The following ZNF628 variants were observed in gnomAD, a reference collection of about 807,000 sequenced individuals.
ZNF628 encodes the protein zinc finger protein Zec.
Under a neutral mutation model 2.5 loss-of-function variants are expected in ZNF628, and 3 were observed. That is an observed-to-expected ratio of 1.19 (90% confidence interval 0.54 to 3.07). The LOEUF is 3.07. Among genes scored for constraint, ZNF628 ranks in the 30% most tolerant of loss-of-function variants. ZNF628 has a pLI of 0.03. For missense variants in ZNF628, 1,610 were observed against 1,517.1 expected (o/e 1.06, Z -1.02); for synonymous variants, 861 against 717.1 (o/e 1.20, Z -3.21).
chr19:55,482,389 C>T lies in ZNF628; in HGVS notation c.1196C>T (p.Ala399Val), dbSNP rs989588139. Reference protein sequence around the residue: ...GSCDGSFPQLASLLAHQQCHV... With the variant: ...GSCDGSFPQLVSLLAHQQCHV... ...TGCGACGGCTCCTTCCCGCAGCTGG[C>T]CAGCCTCCTGGCGCATCAGCAGTGC... The change falls in exon 3 of 3, where the codon GCC (alanine) becomes GTC (valine). Residue 399 changes from alanine (A) to valine (V), a missense_variant. By Grantham distance (64) the Ala-to-Val change is moderately conservative (BLOSUM62 0). Around this residue, in one of 5 missense-constraint regions of ZNF628, gnomAD observed 651 missense variants for 575.6 expected, o/e 1.13. Coordinates refer to ENST00000598519, the MANE Select transcript of ZNF628 (RefSeq NM_033113.3). 2.2e-5 allele frequency: 31 copies of T among 1,415,500 alleles called. No homozygotes were observed. In the Admixed American group the frequency reaches 5.1e-4, roughly 23 times the overall value. 87.7% of individuals were successfully genotyped at this position (1,415,500 alleles called of 1,614,324 possible).
Position 55,482,732 on chromosome 19 carries a change from C to T in ZNF628, c.1539C>T (p.Gly513=), listed in dbSNP as rs911148963. 4.3e-6 allele frequency: 7 copies of T among 1,612,256 alleles called. No homozygotes were observed. The highest frequency in any genetic ancestry group is 5.9e-6 in the Non-Finnish European group (7 of 1,179,306). The change falls in exon 3 of 3, where the codon GGC becomes GGT. Residue 513 remains glycine, a synonymous_variant. Transcript: ENST00000598519. ...VHTGLRAFTC[G]QCGLTFKWSS... ...CGGGCCTGCGGGCCTTCACCTGTGG[C>T]CAGTGCGGCCTCACCTTCAAGTGGT...
Position 55,481,828 on chromosome 19 carries a change from C to G in ZNF628, c.635C>G (p.Thr212Ser), listed in dbSNP as rs746324800. 1 of 1,596,198 alleles carries G rather than the reference C, an allele frequency of 6.3e-7. No individual in the cohort carries two copies. The highest frequency in any genetic ancestry group is 1.7e-5 in the Admixed American group (1 of 58,038). Residue 212 changes from threonine (T) to serine (S), a missense_variant, in exon 3 of 3, where the codon ACC (threonine) becomes AGC (serine). By Grantham distance (58) the Thr-to-Ser change is moderately conservative. Coordinates refer to ENST00000598519, the MANE Select transcript of ZNF628 (RefSeq NM_033113.3). ...RPFRCPLCPK[T>S]FTHSSNLLLH... is the part of the protein sequence containing the mutation. ...TTCCGCTGCCCGCTCTGCCCCAAGA[C>G]CTTCACCCACTCCTCCAACCTGCTG...
At position 55,476,754 on chromosome 19, in the gene ZNF628, C is replaced by A. The variant is rs955975662; in HGVS notation, c.-131C>A. The A allele has an allele frequency of 1.1e-4, 17 of 151,794 alleles. No homozygotes were observed. Among genetic ancestry groups the A allele is most frequent in the Non-Finnish European group, 5.9e-5 (4 of 67,862 alleles). 9.4% of individuals were successfully genotyped at this position (151,794 alleles called of 1,614,324 possible). A position where few individuals can be genotyped will look rare whatever the true frequency, so the allele number is the denominator to read the frequency against. On this transcript the variant is annotated 5_prime_UTR_variant, in exon 1 of 3. Transcript: ENST00000598519. The stretch of plus-strand genomic sequence containing the variant: ...GCCGGGGCCCCACCTTCCCGTCGAC[C>A]CCCGCGGGAAGGTCCTGGGGCTGCC...
At chr19:55,481,079 G>A in intron 2 of ZNF628, 122 bp from the exon 3 acceptor site, 4 of 1,311,970 alleles carry the variant, frequency 3.0e-6, no homozygotes, top group Non-Finnish European at 3.0e-6. Context: ...CCTAAGGAAG[G>A]TCCCCTGCAA....
In ZNF628 at chr19:55,483,686, G is replaced by T; in HGVS notation, c.2493G>T (p.Thr831=). Residue 831 remains threonine, a synonymous_variant, in exon 3 of 3, where the codon ACG becomes ACT. Coordinates refer to ENST00000598519, the MANE Select transcript of ZNF628 (RefSeq NM_033113.3). Reference sequence around the variant, plus strand: ...TCCGACCAGCCCCAGAAGTAACCACGGTCCAGCTCCAGCCAGCGCAGGAGG... The same window carrying T: ...TCCGACCAGCCCCAGAAGTAACCACTGTCCAGCTCCAGCCAGCGCAGGAGG... ...QPLRPAPEVT[T]VQLQPAQEVT... is the part of the protein sequence containing the mutation. The T allele has an allele frequency of 6.2e-7, 1 of 1,613,576 alleles. No homozygotes were observed. The highest frequency in any genetic ancestry group is 8.5e-7 in the Non-Finnish European group (1 of 1,179,838).
Position 55,482,290 on chromosome 19 carries a change from G to A in ZNF628, c.1097G>A (p.Arg366Gln), listed in dbSNP as rs1413746219. The A allele has an allele frequency of 5.4e-6, 8 of 1,472,090 alleles. No homozygotes were observed. The highest frequency in any genetic ancestry group is 7.2e-6 in the Non-Finnish European group (8 of 1,118,008). 91.2% of individuals were successfully genotyped at this position (1,472,090 alleles called of 1,614,324 possible). ...TGTCTGCCCTGCGGCAAGTCCTTCC[G>A]GACGGTGGCTGGGCTCTCCCGCCAC... ...FACLPCGKSFRTVAGLSRHQH... is the reference protein window; with the variant it reads ...FACLPCGKSFQTVAGLSRHQH... The change falls in exon 3 of 3, where the codon CGG becomes CAG. Residue 366 changes from arginine to glutamine, a missense_variant. Around this residue, in one of 5 missense-constraint regions of ZNF628, gnomAD observed 651 missense variants for 575.6 expected, o/e 1.13. Transcript: ENST00000598519.
chr19:55,479,935 G>A lies in ZNF628; in HGVS notation c.7+18G>A, dbSNP rs1240415886. 4 of 399,544 alleles carry A rather than the reference G, an allele frequency of 1.0e-5. No homozygotes were observed. Among genetic ancestry groups the A allele is most frequent in the Admixed American group, 4.4e-5 (1 of 22,736 alleles). The allele number at this position is 399,544 out of a possible 1,614,324, so 24.7% of individuals were successfully genotyped here. ...CATGTCAGGTAGTCACCTGGGGAGT[G>A]CATGGGCCAGAGACATGTAGTGTGA... On this transcript the variant is annotated intron_variant, in intron 2 of 2. Coordinates refer to ENST00000598519, the MANE Select transcript of ZNF628 (RefSeq NM_033113.3). This position sits in a 1 kb window ranked among gnomAD's most constrained non-coding sequence, Gnocchi z 5.1.
At chr19:55,476,885 G>A (rs926604872) in intron 1 of ZNF628, 78 bp downstream of exon 1, 3 of 145,614 alleles carry the variant, frequency 2.1e-5, no homozygotes, top group African/African-American at 7.6e-5. Flanking sequence ...CGGGGGGGGG[G>A]GCGTGAAACC....
rs1277120181 is a variant in ZNF628 at position 55,482,018 on chromosome 19, C to G, written c.825C>G (p.Pro275=). 4.7e-6 allele frequency: 7 copies of G among 1,479,928 alleles called. No homozygotes were observed. Among genetic ancestry groups the G allele is most frequent in the Non-Finnish European group, 6.3e-6 (7 of 1,119,268 alleles). The allele number at this position is 1,479,928 out of a possible 1,614,324, so 91.7% of individuals were successfully genotyped here. A position where few individuals can be genotyped will look rare whatever the true frequency, so the allele number is the denominator to read the frequency against. Reference sequence around the variant, plus strand: ...CGCCTCCCGCCCCGCCGCCCCCGCCCCCGCCCGTGGTGCCTGAGCTCTTTT... The same window carrying G: ...CGCCTCCCGCCCCGCCGCCCCCGCCGCCGCCCGTGGTGCCTGAGCTCTTTT... ...PPAPPAPPPP[P]PPVVPELFLA... The change falls in exon 3 of 3, where the codon CCC becomes CCG. Residue 275 remains proline, a synonymous_variant. Coordinates refer to ENST00000598519, the MANE Select transcript of ZNF628 (RefSeq NM_033113.3).
In ZNF628 at chr19:55,481,193, TC is replaced by T. The variant is rs1430246064; in HGVS notation, c.8-3del. ...GGGTGAGCCGCTGACCCAGAATCCC[TC>T]CCCCAGGTGTGATGGTCGGCTCCCA... On this transcript the variant is annotated splice_region_variant and splice_polypyrimidine_tract_variant and intron_variant, in intron 2 of 2. Coordinates refer to ENST00000598519, the MANE Select transcript of ZNF628 (RefSeq NM_033113.3). The T allele has an allele frequency of 2.0e-6, 3 of 1,522,992 alleles. No homozygotes were observed. The highest frequency in any genetic ancestry group is 2.6e-6 in the Non-Finnish European group (3 of 1,138,360). The allele number at this position is 1,522,992 out of a possible 1,614,324, so 94.3% of individuals were successfully genotyped here. A position where few individuals can be genotyped will look rare whatever the true frequency, so the allele number is the denominator to read the frequency against.
Position 55,482,995 on chromosome 19 carries a change from A to G in ZNF628, c.1802A>G (p.Lys601Arg), listed in dbSNP as rs758438294. Residue 601 changes from lysine to arginine, a missense_variant, in exon 3 of 3, where the codon AAG becomes AGG. This residue lies in a region of ZNF628 where 21 missense variants were observed against 49.8 expected (regional missense o/e 0.42). Transcript: ENST00000598519. Reference protein sequence around the residue: ...ERPFRCPLCPKTFTHSSNLLL... With the variant: ...ERPFRCPLCPRTFTHSSNLLL... ...CCCTTCCGCTGCCCGCTCTGCCCCA[A>G]GACCTTCACCCACTCCTCCAACCTG... is the stretch of plus-strand genomic sequence containing the variant. 1 of 1,612,076 alleles carries G rather than the reference A, an allele frequency of 6.2e-7. No homozygotes were observed. The highest frequency in any genetic ancestry group is 8.5e-7 in the Non-Finnish European group (1 of 1,179,456).
At chr19:55,480,315 G>A (rs1482234468) in intron 2 of ZNF628, among the ~76,000 whole-genome samples, 2 of 142,462 alleles carry the variant, frequency 1.4e-5, no homozygotes, top group Admixed American at 7.4e-5. Context: ...GTGTGATCTC[G>A]GCTTACTGCA....
At position 55,481,931 on chromosome 19, in the gene ZNF628, C is replaced by A. The variant is rs567662643; in HGVS notation, c.738C>A (p.Pro246=). The change falls in exon 3 of 3, where the codon CCC becomes CCA. Residue 246 remains proline (P), a synonymous_variant. Transcript: ENST00000598519. ...CCCCGCCCCCCCAGTCCCGGGAGCC[C>A]GGCAAGGTCTTCGTGTGCGACGCCT... ...SAAPPPQSRE[P]GKVFVCDAYL... 3,985 of 1,482,538 alleles carry A rather than the reference C, an allele frequency of 2.7e-3. 94 individuals carry two copies. In the African/African-American group the frequency reaches 0.051, roughly 19 times the overall value. 91.8% of individuals were successfully genotyped at this position (1,482,538 alleles called of 1,614,324 possible).
Position 55,484,323 on chromosome 19 carries a change from A to T in ZNF628, c.3130A>T (p.Ile1044Phe). The change falls in exon 3 of 3, where the codon ATC becomes TTC. Residue 1044 changes from isoleucine (I) to phenylalanine (F), a missense_variant. Physicochemically the swap from Ile to Phe is conservative, Grantham distance 21 (BLOSUM62 0). Around this residue, in one of 5 missense-constraint regions of ZNF628, gnomAD observed 712 missense variants for 603.6 expected, o/e 1.18. Transcript: ENST00000598519. ...GVMTPQGLPS[I>F]QIVQTLPAVQ... is the part of the protein sequence containing the mutation. ...TATGACCCCTCAGGGCCTGCCCTCC[A>T]TCCAGATTGTCCAGACTCTACCCGC... The T allele has an allele frequency of 3.4e-6, 5 of 1,487,536 alleles. No homozygotes were observed. Among genetic ancestry groups the T allele is most frequent in the Non-Finnish European group, 4.5e-6 (5 of 1,117,512 alleles). The allele number at this position is 1,487,536 out of a possible 1,614,324, so 92.1% of individuals were successfully genotyped here. A position where few individuals can be genotyped will look rare whatever the true frequency, so the allele number is the denominator to read the frequency against.
rs545205643 is a variant in ZNF628, at chr19:55,483,442, C to T, written c.2249C>T (p.Ala750Val). The change falls in exon 3 of 3, where the codon GCT (alanine) becomes GTT (valine). Residue 750 changes from alanine (A) to valine (V), a missense_variant. Coordinates refer to ENST00000598519, the MANE Select transcript of ZNF628 (RefSeq NM_033113.3). ...PKLILLPSSS[A>V]GAGGGRARQG... ...CTCATCCTGCTGCCCTCCTCCAGTG[C>T]TGGGGCTGGGGGCGGCCGTGCAAGG... is the stretch of plus-strand genomic sequence containing the variant. 4.6e-6 allele frequency: 7 copies of T among 1,512,624 alleles called. No homozygotes were observed. The highest frequency in any genetic ancestry group is 1.3e-5 in the South Asian group (1 of 78,716). 93.7% of individuals were successfully genotyped at this position (1,512,624 alleles called of 1,614,324 possible).
rs748244490 is a variant in ZNF628, at chr19:55,482,992, C to T, written c.1799C>T (p.Pro600Leu). Residue 600 changes from proline (P) to leucine (L), a missense_variant, in exon 3 of 3, where the codon CCC becomes CTC. Pro to Leu is a moderately conservative substitution (Grantham distance 98). Transcript: ENST00000598519. ...GERPFRCPLC[P>L]KTFTHSSNLL... Reference sequence around the variant, plus strand: ...CGGCCCTTCCGCTGCCCGCTCTGCCCCAAGACCTTCACCCACTCCTCCAAC... The same window carrying T: ...CGGCCCTTCCGCTGCCCGCTCTGCCTCAAGACCTTCACCCACTCCTCCAAC... The T allele has an allele frequency of 3.7e-6, 6 of 1,611,852 alleles. No individual in the cohort carries two copies. The highest frequency in any genetic ancestry group is 4.5e-5 in the East Asian group (2 of 44,856).
At chr19:55,478,266 G>T (rs779008076) in intron 1 of ZNF628, among the ~76,000 whole-genome samples, 4 of 152,184 alleles carry the variant, frequency 2.6e-5, no homozygotes, top group Non-Finnish European at 5.9e-5. Context: ...GGAAAAATAA[G>T]GCAGGAAAAG....
intron 1 of ZNF628, among the ~76,000 whole-genome samples, chr19:55,477,009 C>T (rs1242461901): frequency 6.6e-6 from 1 of 152,194 alleles, no homozygotes; most frequent in Non-Finnish European, 1.5e-5. Context: ...TCAGGCTTTG[C>T]ATTTTTACAG....
chr19:55,482,435 C>A lies in ZNF628; in HGVS notation c.1242C>A (p.Ala414=). The A allele has an allele frequency of 7.4e-7, 1 of 1,352,376 alleles. No homozygotes were observed. Among genetic ancestry groups the A allele is most frequent in the Non-Finnish European group, 9.5e-7 (1 of 1,056,654 alleles). 83.8% of individuals were successfully genotyped at this position (1,352,376 alleles called of 1,614,324 possible). ...AGTGCCACGTGGAAGAGGCCGCGGC[C>A]GGGCGCCCGCCCCCGCAGGCTGAGG... ...HQQCHVEEAA[A]GRPPPQAEAA... Residue 414 remains alanine (A), a synonymous_variant, in exon 3 of 3, where the codon GCC becomes GCA. Coordinates refer to ENST00000598519, the MANE Select transcript of ZNF628 (RefSeq NM_033113.3).
Sources: allele counts gnomAD v4.1 joint callset (sites outside exome capture counted in the v4.1 genomes callset), GRCh38; gene constraint gnomAD v4.1.1; regional missense constraint gnomAD v4.1.1; non-coding constraint Gnocchi (gnomAD v3.1); transcripts MANE v1.5; gene names NCBI Gene and HGNC (gene_info 2026-07-23, HGNC 2026-07-21).